UIMC1: variants seen among roughly 807,000 people sequenced by gnomAD.
UIMC1 encodes the protein ubiquitin interaction motif containing 1.
UIMC1 carries 42 observed loss-of-function variants against 84.9 expected under a neutral mutation model. The ratio of observed to expected loss-of-function variants is 0.49; its 90% CI spans 0.39 to 0.64. UIMC1 has a LOEUF of 0.64. Ranked by LOEUF, UIMC1 falls within the 30% of genes least tolerant of loss-of-function variation. The pLI, the probability that UIMC1 is intolerant of heterozygous loss-of-function variation, is 0.00. For synonymous variants in UIMC1, 281 were observed against 293.0 expected (o/e 0.96, Z 0.42); for missense variants, 825 against 847.6 (o/e 0.97, Z 0.33).
chr5:176,911,166 AAAAG>A lies in UIMC1; in HGVS notation c.1676+141_1676+144del, dbSNP rs1279000329. On this transcript the variant is annotated intron_variant, in intron 11 of 14. Coordinates refer to ENST00000511320, the MANE Select transcript of UIMC1 (RefSeq NM_001199298.2). ...AAAAGAAAAGAAAAGAAAAGAAAAGAAAAGAAAAGAAAATTCAGGCATCCAAGCA... is the reference window on the plus strand; with the variant it reads ...AAAAGAAAAGAAAAGAAAAGAAAAGAAAAAGAAAATTCAGGCATCCAAGCA... 58 of 216,814 alleles carry A rather than the reference AAAAG, an allele frequency of 2.7e-4. 4 individuals are homozygous for A. Among genetic ancestry groups the A allele is most frequent in the African/African-American group, 2.7e-3 (49 of 18,328 alleles). 13.4% of individuals were successfully genotyped at this position (216,814 alleles called of 1,614,324 possible). A position where few individuals can be genotyped will look rare whatever the true frequency, so the allele number is the denominator to read the frequency against.
chr5:176,910,890 A>G (rs962747086), intron 11 of UIMC1, among the ~76,000 whole-genome samples: 2 of 152,252 alleles, frequency 1.3e-5, no homozygotes, highest in African/African-American at 4.8e-5. Flanking sequence ...CAGGAGTTCG[A>G]GACAGCCTGA....
chr5:176,960,586 A>ATTC (rs1161599658), intron 6 of UIMC1, among the ~76,000 whole-genome samples: 14 of 89,198 alleles, frequency 1.6e-4, no homozygotes, highest in South Asian at 6.5e-4. Context: ...CTTAAAAAAA[A>ATTC]AAAAAAATTC....
At chr5:177,010,126 G>A (rs937233570), upstream of UIMC1, among the ~76,000 whole-genome samples, 8 of 152,170 alleles carry the variant, frequency 5.3e-5, no homozygotes, top group Non-Finnish European at 1.0e-4. Flanking sequence ...CGAGGCAGAA[G>A]GATCTGTTGA....
chr5:176,937,661 T>C (rs1451475107), intron 10 of UIMC1, among the ~76,000 whole-genome samples: 1 of 152,258 alleles, frequency 6.6e-6, no homozygotes, highest in East Asian at 1.9e-4. Flanking sequence ...TTTAATGATA[T>C]GCATAATTGT....
intron 3 of UIMC1, among the ~76,000 whole-genome samples, chr5:176,972,553 T>C (rs1325166687): frequency 5.3e-5 from 8 of 151,904 alleles, no homozygotes; most frequent in Non-Finnish European, 8.8e-5. Flanking sequence ...CTGGCCTACA[T>C]GGTGAAACCT....
chr5:176,999,238 T>C (rs1774092808), intron 1 of UIMC1, among the ~76,000 whole-genome samples: 1 of 152,168 alleles, frequency 6.6e-6, no homozygotes, highest in Non-Finnish European at 1.5e-5. Flanking sequence ...ACATACATTT[T>C]AGTTTTTAGC....
intron 10 of UIMC1, among the ~76,000 whole-genome samples, chr5:176,932,509 A>G (rs536187533): frequency 8.4e-5 from 12 of 142,256 alleles, no homozygotes; most frequent in African/African-American, 3.6e-4. Flanking sequence ...ACAGATATAG[A>G]TAGATAGACA....
At chr5:176,946,512 CA>C (rs1008747655) in intron 9 of UIMC1, among the ~76,000 whole-genome samples, 7 of 142,744 alleles carry the variant, frequency 4.9e-5, no homozygotes, top group African/African-American at 1.6e-4. Flanking sequence ...ACTCTGCCTC[CA>C]AAAAAAAAGG....
At chr5:176,987,345 T>G (rs1029713773) in intron 1 of UIMC1, among the ~76,000 whole-genome samples, 5 of 151,926 alleles carry the variant, frequency 3.3e-5, no homozygotes, top group Non-Finnish European at 7.4e-5. Context: ...AAAACTGAAA[T>G]TTTAAAAATT....
chr5:176,942,000 C>A (rs192125358), intron 10 of UIMC1, among the ~76,000 whole-genome samples: 1 of 152,086 alleles, frequency 6.6e-6, no homozygotes, highest in East Asian at 1.9e-4. Flanking sequence ...CCCGGCACCA[C>A]GCCTGGTTAA....
intron 3 of UIMC1, among the ~76,000 whole-genome samples, chr5:176,972,463 C>T (rs938875261): frequency 1.3e-5 from 2 of 151,880 alleles, no homozygotes; most frequent in Non-Finnish European, 2.9e-5. Context: ...CGGCCAGGAG[C>T]GGTGACTCAT....
intron 1 of UIMC1, among the ~76,000 whole-genome samples, chr5:177,014,865 TG>T (rs1775639773): frequency 6.6e-6 from 1 of 152,156 alleles, no homozygotes; most frequent in Admixed American, 6.6e-5. Flanking sequence ...TAGAATATAC[TG>T]GGTCTCTTAT....
At chr5:176,996,733 T>C (rs1028868398) in intron 1 of UIMC1, among the ~76,000 whole-genome samples, 1 of 152,134 alleles carries the variant, frequency 6.6e-6, no homozygotes, top group Non-Finnish European at 1.5e-5. Flanking sequence ...AAGGACAGAA[T>C]ATGAGTACCA....
At chr5:176,947,404 G>C (rs1765264719) in intron 9 of UIMC1, among the ~76,000 whole-genome samples, 1 of 152,066 alleles carries the variant, frequency 6.6e-6, no homozygotes, top group Admixed American at 6.6e-5. Context: ...GTGCTGGTTT[G>C]TTACATATGT....
chr5:176,996,787 G>C (rs1234949523), intron 1 of UIMC1, among the ~76,000 whole-genome samples: 1 of 152,166 alleles, frequency 6.6e-6, no homozygotes, highest in African/African-American at 2.4e-5. Context: ...GAGATGTGGA[G>C]TATCGTTACT....
upstream of UIMC1, among the ~76,000 whole-genome samples, chr5:177,011,367 T>TG (rs1468380294): frequency 6.6e-6 from 1 of 151,786 alleles, no homozygotes; most frequent in Non-Finnish European, 1.5e-5. Flanking sequence ...ATCATGCCTG[T>TG]GAATAGCCAC....
intron 6 of UIMC1, among the ~76,000 whole-genome samples, chr5:176,963,157 T>TAAAAAAAAAAAAAAAAAA (rs70991588): frequency 7.2e-5 from 1 of 13,986 alleles, no homozygotes; most frequent in Non-Finnish European, 1.1e-4. Context: ...AAAAATAAAT[T>TAAAAAAAAAAAAAAAAAA]AAAAAAAAAA....
At chr5:176,935,725 A>C (rs1436285533) in intron 10 of UIMC1, among the ~76,000 whole-genome samples, 1 of 152,220 alleles carries the variant, frequency 6.6e-6, no homozygotes, top group Non-Finnish European at 1.5e-5. Flanking sequence ...AACTTTGTCT[A>C]ATTTAAGAAA....
intron 11 of UIMC1, among the ~76,000 whole-genome samples, chr5:176,909,685 C>T (rs1759863285): frequency 6.6e-6 from 1 of 152,170 alleles, no homozygotes; most frequent in African/African-American, 2.4e-5. Flanking sequence ...AGAAATAAGT[C>T]TCTCAAATAC....
Sources: gnomAD v4.1 joint callset for allele counts (sites outside exome capture counted in the v4.1 genomes callset) on GRCh38, gnomAD v4.1.1 for gene constraint, MANE v1.5 for transcripts, NCBI Gene and HGNC (gene_info 2026-07-23, HGNC 2026-07-21) for gene names.